Variants in SLC4A8 observed in about 807,000 individuals in gnomAD.
SLC4A8 encodes electroneutral sodium bicarbonate exchanger 1.
In SLC4A8, 40 loss-of-function variants were observed where a neutral mutation model predicts 125.0. That is an observed-to-expected ratio of 0.32 (90% CI 0.25 to 0.42). The LOEUF (loss-of-function observed/expected upper bound fraction) is 0.42. SLC4A8 is among the 10% of genes least tolerant of loss of function. The pLI, the probability that SLC4A8 is intolerant of heterozygous loss-of-function variation, is 1.00. For missense variants in SLC4A8, 863 were observed against 1,355.1 expected (o/e 0.64, Z 5.70); for synonymous variants, 456 against 476.0 (o/e 0.96, Z 0.55).
intron 16 of SLC4A8, among the ~76,000 whole-genome samples, chr12:51,479,416 G>A (rs1361587724): frequency 6.6e-6 from 1 of 152,140 alleles, no homozygotes; most frequent in African/African-American, 2.4e-5. Context: ...GCTGTGTGCG[G>A]TGGCTCATGG....
At chr12:51,432,423 A>AAG (rs895029704) in intron 1 of SLC4A8, among the ~76,000 whole-genome samples, 14 of 140,296 alleles carry the variant, frequency 1.0e-4, no homozygotes, top group African/African-American at 3.7e-4. Context: ...AAAAAAAAAA[A>AAG]AAAAAGAAAC....
At chr12:51,457,679 C>T in intron 6 of SLC4A8, 140 bp downstream of exon 6, 1 of 734,678 alleles carries the variant, frequency 1.4e-6, no homozygotes, top group South Asian at 1.9e-5. Flanking sequence ...TTTTTGGAGA[C>T]TGGTAAGATT....
intron 1 of SLC4A8, among the ~76,000 whole-genome samples, chr12:51,392,567 G>GT (rs1948148715): frequency 4.0e-5 from 2 of 50,246 alleles, no homozygotes; most frequent in African/African-American, 1.1e-4. Context: ...GCGAGATTCC[G>GT]TATCAAAAAA....
In SLC4A8 at chr12:51,464,603, C is replaced by G. The variant is rs531732400; in HGVS notation, c.1349+889C>G. Reference sequence around the variant, plus strand: ...CCCAGAGAAGGTTGAGACTATGGCTCTGTCTCTGTTAAGCTGTGCTGTGTC... The same window carrying G: ...CCCAGAGAAGGTTGAGACTATGGCTGTGTCTCTGTTAAGCTGTGCTGTGTC... On this transcript the variant is annotated intron_variant, in intron 11 of 24. Transcript: ENST00000453097. 2.6e-5 allele frequency among the ~76,000 whole-genome samples: 4 copies of G among 152,310 alleles called. No homozygotes were observed. The East Asian group carries it at 5.8e-4, about 22-fold the overall frequency.
chr12:51,501,072 G>A (rs574820191), intron 22 of SLC4A8, among the ~76,000 whole-genome samples: 8 of 152,204 alleles, frequency 5.3e-5, no homozygotes, highest in East Asian at 3.9e-4. Flanking sequence ...CTCGTGATCC[G>A]CCCGCCTCGG....
At chr12:51,413,250 A>AT (rs568782488) in intron 1 of SLC4A8, among the ~76,000 whole-genome samples, 72 of 151,514 alleles carry the variant, frequency 4.8e-4, no homozygotes, top group Non-Finnish European at 9.7e-4. Flanking sequence ...TCCTTTGTCC[A>AT]TTTTTTCATG....
At chr12:51,403,535 G>A (rs1364132092) in intron 1 of SLC4A8, among the ~76,000 whole-genome samples, 1 of 152,158 alleles carries the variant, frequency 6.6e-6, no homozygotes, top group Non-Finnish European at 1.5e-5. Flanking sequence ...ATTTAGGTGG[G>A]TGGCTGCTGC....
chr12:51,504,079 C>A lies in SLC4A8; in HGVS notation c.3132C>A (p.Ser1044Arg). Residue 1044 changes from serine to arginine, a missense_variant, in exon 23 of 25, where the codon AGC (serine) becomes AGA (arginine). This residue lies in a region of SLC4A8 where 92 missense variants were observed against 125.6 expected (regional missense o/e 0.73). Coordinates refer to ENST00000453097, the MANE Select transcript of SLC4A8 (RefSeq NM_001039960.3). The stretch of plus-strand genomic sequence containing the variant: ...GGGGAGACAAGTTTCCCTTAGAGAG[C>A]AGGAAGTTACTAAGTAGTCCTGGAA... ...EIGGDKFPLE[S>R]RKLLSSPGKN... is the part of the protein sequence containing the mutation. The A allele has an allele frequency of 6.3e-7, 1 of 1,589,178 alleles. No homozygotes were observed. The highest frequency in any genetic ancestry group is 8.6e-7 in the Non-Finnish European group (1 of 1,166,236).
At chr12:51,461,600 A>G (rs1197746975) in intron 9 of SLC4A8, 1 of 251,770 alleles carries the variant, frequency 4.0e-6, no homozygotes, top group Admixed American at 4.9e-5. Flanking sequence ...TCAAGAGAAG[A>G]TGGTTAATTA....
chr12:51,442,812 G>A (rs1280139181), intron 2 of SLC4A8, among the ~76,000 whole-genome samples: 1 of 152,148 alleles, frequency 6.6e-6, no homozygotes, highest in Non-Finnish European at 1.5e-5. Context: ...CTGTGCTGTG[G>A]GTTCCACTCA....
rs998770129 is a variant in SLC4A8, at chr12:51,395,520, A to C, written c.-112+4032A>C. 2.6e-5 allele frequency among the ~76,000 whole-genome samples: 4 copies of C among 152,236 alleles called. No homozygotes were observed. In the South Asian group the frequency reaches 8.3e-4, roughly 32 times the overall value. Reference sequence around the variant, plus strand: ...AAGGCAGCTCTGTGAGGCCGTTGACACCAGCCCTGGCCTTTATCTAGTCTC... The same window carrying C: ...AAGGCAGCTCTGTGAGGCCGTTGACCCCAGCCCTGGCCTTTATCTAGTCTC... On this transcript the variant is annotated intron_variant, in intron 1 of 24. Coordinates refer to the SLC4A8 transcript ENST00000358657.
intron 7 of SLC4A8, among the ~76,000 whole-genome samples, chr12:51,458,885 A>T (rs1333165639): frequency 2.0e-5 from 3 of 152,190 alleles, no homozygotes; most frequent in Non-Finnish European, 4.4e-5. Context: ...GAAAACTGGG[A>T]CTAGCTGCTT....
Position 51,450,992 on chromosome 12 carries a change from G to A in SLC4A8, c.247G>A (p.Gly83Arg), listed in dbSNP as rs760925106. The A allele has an allele frequency of 6.4e-7, 1 of 1,557,662 alleles. No individual in the cohort carries two copies. The highest frequency in any genetic ancestry group is 1.9e-5 in the Admixed American group (1 of 52,000). ...AGGGCGGGGCAAAGGAGCCAGCCAGGGGGAGGAAGGCCTGGAAGCCCTGGC... is the reference window on the plus strand; with the variant it reads ...AGGGCGGGGCAAAGGAGCCAGCCAGAGGGAGGAAGGCCTGGAAGCCCTGGC... ...RRGRGKGASQGEEGLEALAHD... is the reference protein window; with the variant it reads ...RRGRGKGASQREEGLEALAHD... Residue 83 changes from glycine (G) to arginine (R), a missense_variant, in exon 3 of 25, where the codon GGG becomes AGG. This residue lies in a region of SLC4A8 where 104 missense variants were observed against 116.4 expected (regional missense o/e 0.89). Coordinates refer to ENST00000453097, the MANE Select transcript of SLC4A8 (RefSeq NM_001039960.3).
At chr12:51,423,785 G>A (rs1948851754), upstream of SLC4A8, among the ~76,000 whole-genome samples, 3 of 152,238 alleles carry the variant, frequency 2.0e-5, no homozygotes, top group African/African-American at 7.2e-5. Context: ...TGTAATCCCA[G>A]CACCTTGGGT....
intron 24 of SLC4A8, among the ~76,000 whole-genome samples, chr12:51,506,916 A>T (rs1938196220): frequency 6.6e-6 from 1 of 152,228 alleles, no homozygotes; most frequent in Non-Finnish European, 1.5e-5. Context: ...ATAAGTAAAT[A>T]ACTGAAGACA....
intron 18 of SLC4A8, 77 bp from the exon 19 acceptor site, chr12:51,489,623 T>G: frequency 1.3e-6 from 2 of 1,572,710 alleles, no homozygotes; most frequent in Non-Finnish European, 1.7e-6. Flanking sequence ...GCTTTGGGCC[T>G]GAGACCCGTA....
chr12:51,463,544 C>T, intron 10 of SLC4A8, 70 bp from the exon 11 acceptor site: 1 of 1,194,282 alleles, frequency 8.4e-7, no homozygotes, highest in Non-Finnish European at 1.2e-6. Flanking sequence ...ATCCCATTCC[C>T]ACTCCCTGCT....
At chr12:51,503,785 G>A (rs1480863431) in intron 22 of SLC4A8, among the ~76,000 whole-genome samples, 1 of 152,016 alleles carries the variant, frequency 6.6e-6, no homozygotes, top group Admixed American at 6.6e-5. Flanking sequence ...TAGTAAATTG[G>A]TCATTAGCTC....
upstream of SLC4A8, among the ~76,000 whole-genome samples, chr12:51,423,160 T>G (rs984582201): frequency 2.6e-5 from 4 of 152,224 alleles, no homozygotes; most frequent in Non-Finnish European, 5.9e-5. Context: ...AGAAAAATAA[T>G]CATTGCTTTC....
Sources: allele counts gnomAD v4.1 joint callset (sites outside exome capture counted in the v4.1 genomes callset), GRCh38; gene constraint gnomAD v4.1.1; regional missense constraint gnomAD v4.1.1; transcripts MANE v1.5; gene names NCBI Gene and HGNC (gene_info 2026-07-23, HGNC 2026-07-21).